Variants in DDR2 observed in about 807,000 individuals in gnomAD.
The protein encoded by DDR2 is discoidin domain receptor tyrosine kinase 2.
DDR2 carries 27 observed loss-of-function variants against 94.9 expected under a neutral mutation model. That is an observed-to-expected ratio of 0.28 (90% confidence interval 0.21 to 0.39). DDR2 has a LOEUF of 0.39. Among genes scored for constraint, DDR2 ranks in the 10% least tolerant of loss-of-function variants. DDR2 has a pLI of 1.00. For missense variants in DDR2, 783 were observed against 1,076.0 expected, an observed-to-expected ratio of 0.73 and a Z score of 3.81; for synonymous variants, 382 against 377.2, an observed-to-expected ratio of 1.01 and a Z score of -0.15.
chr1:162,729,986 A>C (rs1231095409), intron 3 of DDR2, among the ~76,000 whole-genome samples: 3 of 124,766 alleles, frequency 2.4e-5, no homozygotes, highest in Non-Finnish European at 4.8e-5. Context: ...CAGGTGATCC[A>C]CCCACCTTGG....
chr1:162,750,999 G>A (rs948551492), intron 3 of DDR2, among the ~76,000 whole-genome samples: 40 of 152,186 alleles, frequency 2.6e-4, no homozygotes, highest in African/African-American at 7.2e-4. Context: ...ATTAATTCAA[G>A]ATGGATCAAA....
chr1:162,693,060 C>A (rs947815882), intron 2 of DDR2, among the ~76,000 whole-genome samples: 1 of 151,884 alleles, frequency 6.6e-6, no homozygotes, highest in Non-Finnish European at 1.5e-5. Flanking sequence ...GCGAAAGGGG[C>A]CAAACAAAAA....
chr1:162,767,425 C>T (rs1664052520), intron 11 of DDR2, 66 bp downstream of exon 11: 1 of 1,595,884 alleles, frequency 6.3e-7, no homozygotes, highest in Non-Finnish European at 8.5e-7. Flanking sequence ...CACTGTTGTC[C>T]CAGGAGTAAA....
intron 1 of DDR2, among the ~76,000 whole-genome samples, chr1:162,643,687 G>A (rs1261042958): frequency 1.3e-5 from 2 of 152,084 alleles, no homozygotes; most frequent in Non-Finnish European, 2.9e-5. Flanking sequence ...TGCCCTGTTG[G>A]CCAGTCTGGT....
intron 2 of DDR2, among the ~76,000 whole-genome samples, chr1:162,706,632 T>C (rs1318238763): frequency 1.3e-5 from 2 of 152,092 alleles, no homozygotes; most frequent in East Asian, 3.9e-4. Context: ...GGCAAGCCCT[T>C]GGTGTCACAC....
At chr1:162,736,479 A>G (rs1159109500) in intron 3 of DDR2, among the ~76,000 whole-genome samples, 1 of 152,318 alleles carries the variant, frequency 6.6e-6, no homozygotes, top group Non-Finnish European at 1.5e-5. Context: ...TTACTCAAGG[A>G]ATGGCCTTTG....
upstream of DDR2, among the ~76,000 whole-genome samples, chr1:162,631,703 T>C (rs1656568158): frequency 6.6e-6 from 1 of 152,104 alleles, no homozygotes; most frequent in Non-Finnish European, 1.5e-5. Flanking sequence ...CCCGCCCCTT[T>C]CACATGATCT....
chr1:162,749,141 G>C (rs889494229), intron 3 of DDR2, among the ~76,000 whole-genome samples: 3 of 151,978 alleles, frequency 2.0e-5, no homozygotes, highest in Non-Finnish European at 2.9e-5. Flanking sequence ...CAGAAGGCAA[G>C]AAATAACTAA....
At chr1:162,767,093 C>A in intron 10 of DDR2, 136 bp from the exon 11 acceptor site, 3 of 1,212,856 alleles carry the variant, frequency 2.5e-6, no homozygotes, top group Non-Finnish European at 3.6e-6. Flanking sequence ...CAAGAATAAG[C>A]AGAAGTATTA....
In DDR2 at chr1:162,783,728, T is replaced by C. The variant is rs550070776; in HGVS notation, c.*3482T>C. Reference sequence around the variant, plus strand: ...TGAAATGGAAAGGAATTTTTCAGAATTTTAAGAAAGGGGAAGTTCCTCTTG... The same window carrying C: ...TGAAATGGAAAGGAATTTTTCAGAACTTTAAGAAAGGGGAAGTTCCTCTTG... On this transcript the variant is annotated 3_prime_UTR_variant, in exon 18 of 18. Transcript: ENST00000367921. 87 of 152,312 alleles carry C rather than the reference T, an allele frequency of 5.7e-4. 1 individual carries two copies. Among genetic ancestry groups the C allele is most frequent in the African/African-American group, 1.9e-3 (80 of 41,562 alleles). 9.4% of individuals were successfully genotyped at this position (152,312 alleles called of 1,614,324 possible). A position where few individuals can be genotyped will look rare whatever the true frequency, so the allele number is the denominator to read the frequency against.
At chr1:162,643,323 T>C (rs1657239647) in intron 1 of DDR2, among the ~76,000 whole-genome samples, 1 of 152,136 alleles carries the variant, frequency 6.6e-6, no homozygotes, top group South Asian at 2.1e-4. Context: ...TGCCAACATC[T>C]ACAAAATATA....
intron 2 of DDR2, among the ~76,000 whole-genome samples, chr1:162,690,826 G>A (rs1471027045): frequency 6.6e-6 from 1 of 152,168 alleles, no homozygotes; most frequent in African/African-American, 2.4e-5. Flanking sequence ...TGAGCCCTGG[G>A]CATTCTTTCG....
intron 2 of DDR2, among the ~76,000 whole-genome samples, chr1:162,715,217 T>C (rs959475419): frequency 6.6e-6 from 1 of 152,178 alleles, no homozygotes; most frequent in African/African-American, 2.4e-5. Flanking sequence ...CTGGTAGTGT[T>C]GAGACTACAA....
chr1:162,775,589 C>T (rs1044748954), intron 14 of DDR2, 63 bp from the exon 15 acceptor site: 101 of 1,572,986 alleles, frequency 6.4e-5, no homozygotes, highest in Non-Finnish European at 8.5e-5. Flanking sequence ...GGTGTGCATT[C>T]TTCTCTCTCT....
intron 14 of DDR2, among the ~76,000 whole-genome samples, chr1:162,774,946 T>G (rs375384241): frequency 5.3e-5 from 8 of 152,100 alleles, no homozygotes; most frequent in African/African-American, 1.9e-4. Context: ...GCTCCAACAG[T>G]TTTGGGAATG....
intron 3 of DDR2, chr1:162,741,688 T>TAC (rs1450581524): frequency 2.0e-6 from 2 of 985,348 alleles, no homozygotes; most frequent in Non-Finnish European, 2.4e-6. Flanking sequence ...GAGGGAGACA[T>TAC]ACACACAGGT....
At chr1:162,779,263 T>C (rs1647764141) in intron 17 of DDR2, among the ~76,000 whole-genome samples, 1 of 152,072 alleles carries the variant, frequency 6.6e-6, no homozygotes, top group Non-Finnish European at 1.5e-5. Flanking sequence ...AAAGATGAGT[T>C]CCCAAGCTCC....
chr1:162,713,133 T>G (rs923262173), intron 2 of DDR2, among the ~76,000 whole-genome samples: 1 of 152,128 alleles, frequency 6.6e-6, no homozygotes, highest in Non-Finnish European at 1.5e-5. Context: ...ACTGATAAAG[T>G]TCAGGAATTC....
At chr1:162,722,722 A>G (rs930933468) in intron 3 of DDR2, among the ~76,000 whole-genome samples, 2 of 152,260 alleles carry the variant, frequency 1.3e-5, no homozygotes, top group Non-Finnish European at 2.9e-5. Context: ...TAATTGTGTG[A>G]CAGTGAGGGA....
Sources: allele counts gnomAD v4.1 joint callset (sites outside exome capture counted in the v4.1 genomes callset), GRCh38; gene constraint gnomAD v4.1.1; transcripts MANE v1.5; gene names NCBI Gene and HGNC (gene_info 2026-07-23, HGNC 2026-07-21).